RAB27A: variants seen among roughly 807,000 people sequenced by gnomAD.
RAB27A encodes the protein RAB27A, member RAS oncogene family.
A neutral mutation model predicts 20.8 loss-of-function variants in RAB27A; 17 were observed. That is an observed-to-expected ratio of 0.82 (90% CI 0.56 to 1.23). RAB27A has a LOEUF of 1.23. Among genes scored for constraint, RAB27A ranks in the 50% most tolerant of loss-of-function variants. RAB27A has a pLI of 0.00. For synonymous variants in RAB27A, 85 were observed against 92.8 expected (o/e 0.92, Z 0.48); for missense variants, 277 against 266.7 (o/e 1.04, Z -0.27).
At chr15:55,277,616 G>C (rs1454240541) in intron 1 of RAB27A, among the ~76,000 whole-genome samples, 2 of 152,132 alleles carry the variant, frequency 1.3e-5, no homozygotes, top group Non-Finnish European at 2.9e-5. Flanking sequence ...CCGATGCACT[G>C]TTTTTAATTG....
chr15:55,318,788 A>G (rs1251497869), intron 1 of RAB27A: 1 of 154,042 alleles, frequency 6.5e-6, no homozygotes, highest in Non-Finnish European at 1.4e-5. Context: ...GCCTGTTTCC[A>G]CATCTGTACA....
At chr15:55,304,445 C>T (rs2054989008) in intron 2 of RAB27A, among the ~76,000 whole-genome samples, 2 of 145,886 alleles carry the variant, frequency 1.4e-5, no homozygotes, top group African/African-American at 5.3e-5. Flanking sequence ...TGAGAAACAC[C>T]CAAGAATTAT....
intron 2 of RAB27A, among the ~76,000 whole-genome samples, chr15:55,310,441 T>C (rs902651672): frequency 3.9e-5 from 6 of 152,130 alleles, no homozygotes; most frequent in African/African-American, 1.2e-4. Context: ...AGGACCTTCA[T>C]CCCCTGGGGC....
chr15:55,211,722 G>A (rs769842708), intron 6 of RAB27A, among the ~76,000 whole-genome samples: 25 of 152,128 alleles, frequency 1.6e-4, no homozygotes, highest in Non-Finnish European at 2.9e-4. Flanking sequence ...AAAGTTAAGC[G>A]GTCTGATCAA....
intron 2 of RAB27A, among the ~76,000 whole-genome samples, chr15:55,254,846 A>C (rs1238030042): frequency 6.6e-6 from 1 of 152,242 alleles, no homozygotes; most frequent in African/African-American, 2.4e-5. Flanking sequence ...TTCCAAACCA[A>C]AATCTGCGGC....
intron 2 of RAB27A, among the ~76,000 whole-genome samples, chr15:55,268,810 T>C (rs1165315802): frequency 2.0e-5 from 3 of 152,348 alleles, no homozygotes; most frequent in South Asian, 4.1e-4. Context: ...ATGGATTGAA[T>C]TGTGTCCCCC....
intron 3 of RAB27A, among the ~76,000 whole-genome samples, chr15:55,231,468 T>C (rs1896029038): frequency 6.6e-6 from 1 of 152,170 alleles, no homozygotes; most frequent in South Asian, 2.1e-4. Flanking sequence ...TTCAGTACTC[T>C]AGGAATTAAC....
Position 55,234,898 on chromosome 15 carries a change from A to C in RAB27A, c.37T>G (p.Leu13Val), listed in dbSNP as rs905779372. 1.2e-5 allele frequency: 20 copies of C among 1,612,866 alleles called. No homozygotes were observed. The highest frequency in any genetic ancestry group is 1.7e-5 in the Admixed American group (1 of 59,892). ...DGDYDYLIKF[L>V]ALGDSGVGKT... The stretch of plus-strand genomic sequence containing the variant: ...CCTACACCAGAGTCTCCCAAAGCTA[A>C]AAACTTGATGAGGTAATCATAATCT... The change falls in exon 3 of 7, where the codon TTA becomes GTA. Residue 13 changes from leucine (L) to valine (V), a missense_variant. Transcript: ENST00000336787.
At chr15:55,238,233 A>T (rs1280874493) in intron 2 of RAB27A, 2 of 152,168 alleles carry the variant, frequency 1.3e-5, no homozygotes, top group Non-Finnish European at 2.9e-5. Flanking sequence ...CAGAACCCAG[A>T]GAGGTAGACT....
chr15:55,254,209 T>C (rs575756089), intron 2 of RAB27A, among the ~76,000 whole-genome samples: 6 of 152,304 alleles, frequency 3.9e-5, no homozygotes, highest in East Asian at 3.9e-4. Context: ...CCTCGAGAAA[T>C]ACCTTCCTAT....
At chr15:55,263,577 G>A (rs1423458691) in intron 2 of RAB27A, among the ~76,000 whole-genome samples, 1 of 152,082 alleles carries the variant, frequency 6.6e-6, no homozygotes, top group Non-Finnish European at 1.5e-5. Flanking sequence ...AGAAAGTAGG[G>A]CACTAGATTA....
intron 6 of RAB27A, among the ~76,000 whole-genome samples, chr15:55,221,543 G>T (rs577230358): frequency 9.9e-5 from 15 of 152,102 alleles, no homozygotes; most frequent in Non-Finnish European, 2.1e-4. Context: ...CTAAGTCACT[G>T]GTTCTCAACC....
At chr15:55,234,211 A>G (rs1211909297) in intron 3 of RAB27A, among the ~76,000 whole-genome samples, 2 of 152,168 alleles carry the variant, frequency 1.3e-5, no homozygotes, top group Non-Finnish European at 2.9e-5. Flanking sequence ...CTCCAACACT[A>G]GAATAACTTT....
chr15:55,262,531 G>C lies in RAB27A; in HGVS notation c.-23+7634C>G, dbSNP rs574827297. 2.5e-5 allele frequency among the ~76,000 whole-genome samples: 3 copies of C among 120,466 alleles called. No homozygotes were observed. The South Asian group carries it at 8.2e-4, about 33-fold the overall frequency. The allele number at this position is 120,466 out of a possible 152,430, so 79.0% of individuals were successfully genotyped here. A position where few individuals can be genotyped will look rare whatever the true frequency, so the allele number is the denominator to read the frequency against. ...CACTCCAGCCTGGGCAACAGAGTGA[G>C]ACTCTGACTCAAAGAAAAAAAAAAA... On this transcript the variant is annotated intron_variant, in intron 2 of 6. Transcript: ENST00000336787.
chr15:55,246,010 G>A (rs1280528678), intron 2 of RAB27A, among the ~76,000 whole-genome samples: 5 of 152,002 alleles, frequency 3.3e-5, no homozygotes, highest in African/African-American at 1.2e-4. Context: ...CTTGAATCCG[G>A]TAGGTTCACG....
rs558425621 is a variant in RAB27A, at chr15:55,203,354, C to G, written c.*2153G>C. On this transcript the variant is annotated 3_prime_UTR_variant, in exon 7 of 7. Transcript: ENST00000336787. ...TATGTAGCTGTAAAATTATGTTGTA[C>G]TGCACTGAAGTCTTATGGCAACTAT... 1 of 151,466 alleles carries G rather than the reference C, an allele frequency of 6.6e-6. No homozygotes were observed. Among genetic ancestry groups the G allele is most frequent in the South Asian group, 2.1e-4 (1 of 4,802 alleles). The allele number at this position is 151,466 out of a possible 1,614,324, so 9.4% of individuals were successfully genotyped here. A position where few individuals can be genotyped will look rare whatever the true frequency, so the allele number is the denominator to read the frequency against.
chr15:55,266,539 C>G (rs1247069523), intron 2 of RAB27A, among the ~76,000 whole-genome samples: 1 of 152,118 alleles, frequency 6.6e-6, no homozygotes, highest in African/African-American at 2.4e-5. Flanking sequence ...ATAACCAAAA[C>G]TTTTAGTTTG....
intron 2 of RAB27A, among the ~76,000 whole-genome samples, chr15:55,261,126 G>A (rs1897253078): frequency 6.6e-6 from 1 of 152,020 alleles, no homozygotes; most frequent in Admixed American, 6.5e-5. Flanking sequence ...CAGGCATGGT[G>A]GCTCATGGTG....
chr15:55,206,378 G>T, intron 6 of RAB27A: 1 of 448,310 alleles, frequency 2.2e-6, no homozygotes, highest in Non-Finnish European at 2.9e-6. Flanking sequence ...TTTTGAGACA[G>T]AGTCTCTATC....
Sources: gnomAD v4.1 joint callset for allele counts (sites outside exome capture counted in the v4.1 genomes callset) on GRCh38, gnomAD v4.1.1 for gene constraint, MANE v1.5 for transcripts, NCBI Gene and HGNC (gene_info 2026-07-23, HGNC 2026-07-21) for gene names.